The following TMEM181 variants were observed in gnomAD, a reference collection of about 807,000 sequenced individuals.
TMEM181 encodes G protein-coupled receptor 178.
A neutral mutation model predicts 71.9 loss-of-function variants in TMEM181; 39 were observed. The observed-to-expected ratio is 0.54, with a 90% CI of 0.42 to 0.71. The LOEUF is 0.71. Among genes scored for constraint, TMEM181 ranks in the 30% least tolerant of loss-of-function variants. TMEM181 has a pLI of 0.00. For synonymous variants in TMEM181, 245 were observed against 228.8 expected (o/e 1.07, Z -0.64); for missense variants, 595 against 583.0 (o/e 1.02, Z -0.21).
At chr6:158,607,969 G>A (rs1338839716) in intron 8 of TMEM181, among the ~76,000 whole-genome samples, 2 of 152,272 alleles carry the variant, frequency 1.3e-5, no homozygotes, top group Non-Finnish European at 2.9e-5. Flanking sequence ...GCCGCAGTCG[G>A]AACTCCCAGG....
At chr6:158,548,113 G>C (rs1314965819) in intron 1 of TMEM181, among the ~76,000 whole-genome samples, 1 of 151,980 alleles carries the variant, frequency 6.6e-6, no homozygotes, top group Non-Finnish European at 1.5e-5. Context: ...GGATGTGTAG[G>C]TCAGACTTTG....
intron 1 of TMEM181, among the ~76,000 whole-genome samples, chr6:158,543,679 CCT>C (rs1317205415): frequency 6.6e-6 from 1 of 152,170 alleles, no homozygotes; most frequent in East Asian, 1.9e-4. Flanking sequence ...CCAAATCTCC[CCT>C]TTTTATAAGG....
chr6:158,607,516 A>G (rs1044177575), intron 8 of TMEM181, among the ~76,000 whole-genome samples, 173 bp downstream of exon 8: 27 of 152,140 alleles, frequency 1.8e-4, no homozygotes, highest in African/African-American at 6.5e-4. Flanking sequence ...TACAAAAAAT[A>G]AAATTTAGCT....
intron 10 of TMEM181, among the ~76,000 whole-genome samples, chr6:158,619,249 T>G (rs1200318498): frequency 6.6e-6 from 1 of 152,206 alleles, no homozygotes; most frequent in Middle Eastern, 3.2e-3. Flanking sequence ...CATTTGATCT[T>G]CAGTTACTGA....
At chr6:158,553,929 C>A (rs938950522) in intron 1 of TMEM181, among the ~76,000 whole-genome samples, 1 of 151,536 alleles carries the variant, frequency 6.6e-6, no homozygotes, top group African/African-American at 2.4e-5. Context: ...TTTTTTGAGA[C>A]GGAGTTTTGC....
At chr6:158,584,247 CGT>C (rs1327244219) in intron 4 of TMEM181, among the ~76,000 whole-genome samples, 1 of 152,202 alleles carries the variant, frequency 6.6e-6, no homozygotes, top group Non-Finnish European at 1.5e-5. Context: ...AGACGTCCTC[CGT>C]GGAGTCCTGG....
intron 1 of TMEM181, among the ~76,000 whole-genome samples, chr6:158,564,938 A>G (rs1455535623): frequency 6.6e-6 from 1 of 152,220 alleles, no homozygotes; most frequent in Non-Finnish European, 1.5e-5. Context: ...AGATGCCGGC[A>G]TGAGTTGAAC....
At chr6:158,610,972 C>G in intron 10 of TMEM181, 1 of 412,626 alleles carries the variant, frequency 2.4e-6, no homozygotes. Context: ...ATCTCCAGAT[C>G]AGACCAGTTG....
intron 2 of TMEM181, among the ~76,000 whole-genome samples, chr6:158,580,363 GA>G (rs963850471): frequency 2.0e-5 from 3 of 151,700 alleles, no homozygotes; most frequent in African/African-American, 2.4e-5. Context: ...GGATCTGTAG[GA>G]AAAAAAATGG....
upstream of TMEM181, among the ~76,000 whole-genome samples, chr6:158,558,870 C>T (rs1782003284): frequency 6.6e-6 from 1 of 152,310 alleles, no homozygotes; most frequent in Non-Finnish European, 1.5e-5. Context: ...TCCGACTCAC[C>T]CCTTCCCGCG....
intron 1 of TMEM181, among the ~76,000 whole-genome samples, chr6:158,540,220 C>T (rs1245028767): frequency 2.0e-5 from 3 of 152,164 alleles, no homozygotes; most frequent in African/African-American, 7.2e-5. Context: ...CGTATCTACA[C>T]CCCACCAAAA....
chr6:158,597,159 C>T (rs1057173832), intron 6 of TMEM181, among the ~76,000 whole-genome samples: 2 of 152,202 alleles, frequency 1.3e-5, no homozygotes, highest in African/African-American at 4.8e-5. Context: ...CTCCCTTTAA[C>T]TCAAGAAGCT....
At chr6:158,628,383 G>T in intron 13 of TMEM181, 25 bp from the exon 14 acceptor site, 1 of 1,612,202 alleles carries the variant, frequency 6.2e-7, no homozygotes, top group Middle Eastern at 1.7e-4. Flanking sequence ...TTTACATATT[G>T]TCTCTGCTCC....
At chr6:158,558,258 G>GGTA (rs1781978046), upstream of TMEM181, among the ~76,000 whole-genome samples, 1 of 152,204 alleles carries the variant, frequency 6.6e-6, no homozygotes, top group African/African-American at 2.4e-5. Context: ...CTGGGCTGGA[G>GGTA]GTAGATACTG....
Position 158,608,468 on chromosome 6 carries a change from G to C in TMEM181, c.804+5G>C. 6.2e-7 allele frequency: 1 copy of C among 1,614,158 alleles called. No individual in the cohort carries two copies. ...TACCACGGGATTCGTGTCCAGGTGA[G>C]CCGGAGCCGCCCTCACTGCCGGGGG... is the stretch of plus-strand genomic sequence containing the variant. On this transcript the variant is annotated splice_donor_5th_base_variant and intron_variant, in intron 9 of 16. Coordinates refer to ENST00000684151, the MANE Select transcript of TMEM181 (RefSeq NM_001376852.1).
At chr6:158,577,935 A>G (rs962063479) in intron 2 of TMEM181, among the ~76,000 whole-genome samples, 5 of 152,188 alleles carry the variant, frequency 3.3e-5, no homozygotes, top group African/African-American at 9.7e-5. Context: ...TACTAAAAAT[A>G]CAAAATTAGC....
chr6:158,607,967 CG>C (rs1785047723), intron 8 of TMEM181, among the ~76,000 whole-genome samples: 1 of 152,242 alleles, frequency 6.6e-6, no homozygotes, highest in Non-Finnish European at 1.5e-5. Context: ...CTGCCGCAGT[CG>C]GAACTCCCAG....
chr6:158,592,466 G>A (rs1246347987), intron 6 of TMEM181, among the ~76,000 whole-genome samples: 4 of 130,180 alleles, frequency 3.1e-5, no homozygotes, highest in Non-Finnish European at 6.5e-5. Flanking sequence ...ACAACATAAT[G>A]AGACCCCATC....
chr6:158,609,162 G>A lies in TMEM181; in HGVS notation c.896+412G>A, dbSNP rs112639688. 2.3e-3 allele frequency among the ~76,000 whole-genome samples: 343 copies of A among 151,672 alleles called. 3 individuals are homozygous for A. The highest frequency in any genetic ancestry group is 7.7e-3 in the African/African-American group (318 of 41,340). ...GTGTTCTGTGAACTCATCCAGAAAA[G>A]AATCAGCTTTCAGTTTATCTAACTT... On this transcript the variant is annotated intron_variant, in intron 10 of 16. Coordinates refer to ENST00000684151, the MANE Select transcript of TMEM181 (RefSeq NM_001376852.1).
Sources: gnomAD v4.1 joint callset for allele counts (sites outside exome capture counted in the v4.1 genomes callset) on GRCh38, gnomAD v4.1.1 for gene constraint, MANE v1.5 for transcripts, NCBI Gene and HGNC (gene_info 2026-07-23, HGNC 2026-07-21) for gene names.